Variants in CYP1B1 observed in about 807,000 individuals in gnomAD.
CYP1B1 encodes the protein cytochrome P450 1B1.
A neutral mutation model predicts 29.9 loss-of-function variants in CYP1B1; 22 were observed. The ratio of observed to expected loss-of-function variants is 0.74; its 90% CI spans 0.53 to 1.05. CYP1B1 has a LOEUF of 1.05. CYP1B1 is among the 50% of genes least tolerant of loss of function. CYP1B1 has a pLI of 0.00. For synonymous variants in CYP1B1, 375 were observed against 320.0 expected (o/e 1.17, Z -1.83); for missense variants, 883 against 746.9 (o/e 1.18, Z -2.12).
intron 2 of CYP1B1, among the ~76,000 whole-genome samples, chr2:38,071,946 A>C (rs1185088620): frequency 6.6e-6 from 1 of 152,186 alleles, no homozygotes; most frequent in Admixed American, 6.5e-5. Flanking sequence ...TTTTATACAA[A>C]GATAATTGGT....
rs949383006 is a variant in CYP1B1 at position 38,074,468 on chromosome 2, G to A, written c.921C>T (p.Asp307=). 4 of 1,612,732 alleles carry A rather than the reference G, an allele frequency of 2.5e-6. No homozygotes were observed. The highest frequency in any genetic ancestry group is 2.7e-5 in the African/African-American group (2 of 74,840). ...ILSAEKKAAG[D]SHGGGARLDL... ...CCAGCCGCGCGCCACCACCGTGCGA[G>A]TCCCCGGCCGCCTTCTTTTCCGCAG... Residue 307 remains aspartate, a synonymous_variant, in exon 2 of 3, where the codon GAC becomes GAT. Coordinates refer to ENST00000610745, the MANE Select transcript of CYP1B1 (RefSeq NM_000104.4).
chr2:38,075,148 A>G lies in CYP1B1; in HGVS notation c.241T>C (p.Tyr81His). ...HLSFARLARRYGDVFQIRLGS... is the reference protein window; with the variant it reads ...HLSFARLARRHGDVFQIRLGS... ...AGGCGGATCTGGAAAACGTCGCCGT[A>G]GCGCCGCGCCAGGCGAGCGAACGAG... Residue 81 changes from tyrosine to histidine, a missense_variant, in exon 2 of 3, where the codon TAC becomes CAC. By Grantham distance (83) the Tyr-to-His change is moderately conservative (BLOSUM62 2). Coordinates refer to ENST00000610745, the MANE Select transcript of CYP1B1 (RefSeq NM_000104.4). 1 of 1,574,862 alleles carries G rather than the reference A, an allele frequency of 6.3e-7. No individual in the cohort carries two copies. Among genetic ancestry groups the G allele is most frequent in the Non-Finnish European group, 8.6e-7 (1 of 1,168,072 alleles).
Position 38,067,823 on chromosome 2 carries a change from G to C in CYP1B1, c.*2899C>G, listed in dbSNP as rs921591941. ...AAATAAGAAAAGATTAAATAAGAAG[G>C]TATCCTTGAGTTATAAATGTCTACT... On this transcript the variant is annotated 3_prime_UTR_variant, in exon 3 of 3. Transcript: ENST00000610745. 1 of 185,998 alleles carries C rather than the reference G, an allele frequency of 5.4e-6. No individual in the cohort carries two copies. The highest frequency in any genetic ancestry group is 2.3e-5 in the African/African-American group (1 of 42,700). 11.5% of individuals were successfully genotyped at this position (185,998 alleles called of 1,614,324 possible). A position where few individuals can be genotyped will look rare whatever the true frequency, so the allele number is the denominator to read the frequency against.
Position 38,071,326 on chromosome 2 carries a change from T to C in CYP1B1, c.1044-16A>G. The C allele has an allele frequency of 1.2e-6, 2 of 1,611,330 alleles. No individual in the cohort carries two copies. Among genetic ancestry groups the C allele is most frequent in the Non-Finnish European group, 1.7e-6 (2 of 1,178,730 alleles). Reference sequence around the variant, plus strand: ...ATCAGGATACCTGTTTGGTGTTTAATGTGGAGAGAGAAAAGCAAGTGAGCA... The same window carrying C: ...ATCAGGATACCTGTTTGGTGTTTAACGTGGAGAGAGAAAAGCAAGTGAGCA... On this transcript the variant is annotated splice_polypyrimidine_tract_variant and intron_variant, in intron 2 of 2. Coordinates refer to ENST00000610745, the MANE Select transcript of CYP1B1 (RefSeq NM_000104.4).
At position 38,069,192 on chromosome 2, in the gene CYP1B1, CT is replaced by C; in HGVS notation, c.*1529del. The C allele has an allele frequency of 1.3e-5, 3 of 225,546 alleles. No individual in the cohort carries two copies. Among genetic ancestry groups the C allele is most frequent in the Non-Finnish European group, 1.8e-5 (2 of 113,130 alleles). The allele number at this position is 225,546 out of a possible 1,614,324, so 14.0% of individuals were successfully genotyped here. On this transcript the variant is annotated 3_prime_UTR_variant, in exon 3 of 3. Coordinates refer to ENST00000610745, the MANE Select transcript of CYP1B1 (RefSeq NM_000104.4). Reference sequence around the variant, plus strand: ...ACACAACTGACCTCATCTCCACTGTCTTTTCCAAACAGCTTCCAAGACTATC... The same window carrying C: ...ACACAACTGACCTCATCTCCACTGTCTTTCCAAACAGCTTCCAAGACTATC...
In CYP1B1 at chr2:38,069,571, A is replaced by G. The variant is rs1682385070; in HGVS notation, c.*1151T>C. On this transcript the variant is annotated 3_prime_UTR_variant, in exon 3 of 3. Coordinates refer to ENST00000610745, the MANE Select transcript of CYP1B1 (RefSeq NM_000104.4). ...TCTGTATTATAAATAGAATTTCAAT[A>G]AAGATGTTATAAAAATAAGAACACA... The G allele has an allele frequency of 5.1e-6, 1 of 195,846 alleles. No homozygotes were observed. The highest frequency in any genetic ancestry group is 1.1e-5 in the Non-Finnish European group (1 of 94,374). 12.1% of individuals were successfully genotyped at this position (195,846 alleles called of 1,614,324 possible).
At chr2:38,072,294 G>A (rs1202819990) in intron 2 of CYP1B1, among the ~76,000 whole-genome samples, 3 of 152,176 alleles carry the variant, frequency 2.0e-5, no homozygotes, top group Non-Finnish European at 2.9e-5. Flanking sequence ...AGACAGCGGC[G>A]GGAGAACTGC....
At position 38,067,536 on chromosome 2, in the gene CYP1B1, A is replaced by G. The variant is rs1682330693; in HGVS notation, c.*3186T>C. 6.0e-6 allele frequency: 1 copy of G among 166,694 alleles called. No individual in the cohort carries two copies. Among genetic ancestry groups the G allele is most frequent in the Admixed American group, 6.4e-5 (1 of 15,608 alleles). 10.3% of individuals were successfully genotyped at this position (166,694 alleles called of 1,614,324 possible). ...TACAGTGCAATATTTTAATTGAATA[A>G]TCCATAGTAATAGTTGAAATAAAGT... is the stretch of plus-strand genomic sequence containing the variant. On this transcript the variant is annotated 3_prime_UTR_variant, in exon 3 of 3. Transcript: ENST00000610745.
chr2:38,071,364 C>A, intron 2 of CYP1B1, 54 bp from the exon 3 acceptor site: 1 of 1,491,870 alleles, frequency 6.7e-7, no homozygotes, highest in Non-Finnish European at 9.3e-7. Context: ...ATTCTTATTT[C>A]ATCTAGAAAG....
intron 1 of CYP1B1, 146 bp downstream of exon 1, chr2:38,075,634 G>T (rs962024449): frequency 2.4e-5 from 14 of 586,764 alleles, no homozygotes; most frequent in Middle Eastern, 4.5e-4. Flanking sequence ...CGCAAGGCGC[G>T]TAACGGTTCC....
In CYP1B1 at chr2:38,070,955, T is replaced by G. The variant is rs1682417731; in HGVS notation, c.1399A>C (p.Lys467Gln). Residue 467 changes from lysine (K) to glutamine (Q), a missense_variant, in exon 3 of 3, where the codon AAA (lysine) becomes CAA (glutamine). Lys to Gln is a moderately conservative substitution (Grantham distance 53). Transcript: ENST00000610745. ...TSRVMIFSVG[K>Q]RRCIGEELSK... ...AGTTCTTCGCCAATGCACCGCCTTT[T>G]GCCCACTGAAAAAATCATCACTCTG... 5 of 1,614,014 alleles carry G rather than the reference T, an allele frequency of 3.1e-6. No homozygotes were observed. The highest frequency in any genetic ancestry group is 1.7e-5 in the Admixed American group (1 of 60,002).
At chr2:38,075,574 G>A in intron 1 of CYP1B1, 185 bp from the exon 2 acceptor site, 2 of 639,038 alleles carry the variant, frequency 3.1e-6, no homozygotes, top group South Asian at 3.8e-5. Context: ...GAGAAGAGAA[G>A]GGGCGTGTTT....
chr2:38,074,847 A>T lies in CYP1B1; in HGVS notation c.542T>A (p.Leu181Gln). ...LSEARELVAL[L>Q]VRGSADGAFL... The stretch of plus-strand genomic sequence containing the variant: ...GGCGCCGTCCGCGCTGCCGCGCACC[A>T]GCAGCGCCACCAGCTCGCGCGCCTC... Residue 181 changes from leucine to glutamine, a missense_variant, in exon 2 of 3, where the codon CTG (leucine) becomes CAG (glutamine). Transcript: ENST00000610745. 1 of 1,564,902 alleles carries T rather than the reference A, an allele frequency of 6.4e-7. No individual in the cohort carries two copies. Among genetic ancestry groups the T allele is most frequent in the Admixed American group, 1.9e-5 (1 of 53,072 alleles).
rs140006620 is a variant in CYP1B1 at position 38,073,902 on chromosome 2, G to A, written c.1043+444C>T. 4.6e-4 allele frequency: 75 copies of A among 163,474 alleles called. No homozygotes were observed. In the East Asian group the frequency reaches 9.0e-3, roughly 20 times the overall value. 10.1% of individuals were successfully genotyped at this position (163,474 alleles called of 1,614,324 possible). On this transcript the variant is annotated intron_variant, in intron 2 of 2. Transcript: ENST00000610745. ...TTTAGCGCCAGGGCTGGGCGGCCTC[G>A]GATGCACGCCGAGGACTAGCCTAGG...
At chr2:38,073,058 A>G (rs1417083413) in intron 2 of CYP1B1, among the ~76,000 whole-genome samples, 4 of 152,212 alleles carry the variant, frequency 2.6e-5, no homozygotes, top group South Asian at 4.1e-4. Flanking sequence ...ACAAAAACCT[A>G]TGGAACCTAT....
chr2:38,071,423 G>T, intron 2 of CYP1B1, 113 bp from the exon 3 acceptor site: 2 of 922,306 alleles, frequency 2.2e-6, no homozygotes, highest in South Asian at 1.4e-5. Flanking sequence ...AGGCTATCTA[G>T]CTCAGTGACT....
rs1320222008 is a variant in CYP1B1 at position 38,067,517 on chromosome 2, G to A, written c.*3205C>T. ...AATGGACAAATAAAATGTTTACAGTGCAATATTTTAATTGAATAATCCATA... is the reference window on the plus strand; with the variant it reads ...AATGGACAAATAAAATGTTTACAGTACAATATTTTAATTGAATAATCCATA... On this transcript the variant is annotated 3_prime_UTR_variant, in exon 3 of 3. Coordinates refer to ENST00000610745, the MANE Select transcript of CYP1B1 (RefSeq NM_000104.4). 2 of 164,948 alleles carry A rather than the reference G, an allele frequency of 1.2e-5. No individual in the cohort carries two copies. Among genetic ancestry groups the A allele is most frequent in the African/African-American group, 2.4e-5 (1 of 41,846 alleles). 10.2% of individuals were successfully genotyped at this position (164,948 alleles called of 1,614,324 possible). A position where few individuals can be genotyped will look rare whatever the true frequency, so the allele number is the denominator to read the frequency against.
Position 38,074,734 on chromosome 2 carries a change from G to A in CYP1B1, c.655C>T (p.Pro219Ser), listed in dbSNP as rs1439165859. 1 of 1,607,734 alleles carries A rather than the reference G, an allele frequency of 6.2e-7. No homozygotes were observed. The highest frequency in any genetic ancestry group is 8.5e-7 in the Non-Finnish European group (1 of 1,177,958). Residue 219 changes from proline to serine, a missense_variant, in exon 2 of 3, where the codon CCC (proline) becomes TCC (serine). Pro to Ser is a moderately conservative substitution (Grantham distance 74). Transcript: ENST00000610745. ...CFGCRYSHDD[P>S]EFRELLSHNE... ...TGGCTGAGCAGCTCACGGAACTCGGGGTCGTCGTGGCTGTAGCGGCAGCCG... is the reference window on the plus strand; with the variant it reads ...TGGCTGAGCAGCTCACGGAACTCGGAGTCGTCGTGGCTGTAGCGGCAGCCG...
chr2:38,075,588 C>A lies in CYP1B1; in HGVS notation c.-2+192G>T. 8.1e-6 allele frequency: 5 copies of A among 620,782 alleles called. No homozygotes were observed. In the South Asian group the frequency reaches 9.6e-5, roughly 12 times the overall value. The allele number at this position is 620,782 out of a possible 1,614,324, so 38.5% of individuals were successfully genotyped here. On this transcript the variant is annotated intron_variant, in intron 1 of 2. Coordinates refer to ENST00000610745, the MANE Select transcript of CYP1B1 (RefSeq NM_000104.4). Reference sequence around the variant, plus strand: ...GGAGAAGAGAAGGGGCGTGTTTCCACCTCGCTGTAACCCAGCGCCAAACCC... The same window carrying A: ...GGAGAAGAGAAGGGGCGTGTTTCCAACTCGCTGTAACCCAGCGCCAAACCC...
Sources: allele counts gnomAD v4.1 joint callset (sites outside exome capture counted in the v4.1 genomes callset), GRCh38; gene constraint gnomAD v4.1.1; transcripts MANE v1.5; gene names NCBI Gene and HGNC (gene_info 2026-07-23, HGNC 2026-07-21).